DHRS2: variants seen among roughly 807,000 people sequenced by gnomAD.
DHRS2 encodes dehydrogenase/reductase SDR family member 2, mitochondrial.
Under a neutral mutation model 26.3 loss-of-function variants are expected in DHRS2, and 29 were observed. That is an observed-to-expected ratio of 1.10 (90% confidence interval 0.82 to 1.50). DHRS2 has a LOEUF of 1.50. Among genes scored for constraint, DHRS2 ranks in the 40% most tolerant of loss-of-function variants. The pLI is 0.00. For synonymous variants in DHRS2, 164 were observed against 151.3 expected (o/e 1.08, Z -0.62); for missense variants, 439 against 367.1 (o/e 1.20, Z -1.60).
In DHRS2 at chr14:23,639,366, C is replaced by T; in HGVS notation, c.318+10C>T. The T allele has an allele frequency of 1.3e-6, 2 of 1,557,660 alleles. No individual in the cohort carries two copies. Among genetic ancestry groups the T allele is most frequent in the Non-Finnish European group, 8.7e-7 (1 of 1,154,204 alleles). On this transcript the variant is annotated intron_variant, in intron 3 of 8. Transcript: ENST00000250383. The stretch of plus-strand genomic sequence containing the variant: ...GCAGCTGGTGGCCAAGGTGAGGGGG[C>T]AGGCGGTGGAAGGACACAGAGAGGG...
chr14:23,635,830 A>G (rs897773829), upstream of DHRS2, among the ~76,000 whole-genome samples: 1 of 152,198 alleles, frequency 6.6e-6, no homozygotes, highest in Non-Finnish European at 1.5e-5. Context: ...CCCACACTGT[A>G]CAGGGCACTC....
In DHRS2 at chr14:23,644,473, A is replaced by T. The variant is rs550157001; in HGVS notation, c.605A>T (p.Glu202Val). 1.2e-6 allele frequency: 2 copies of T among 1,614,056 alleles called. No individual in the cohort carries two copies. The highest frequency in any genetic ancestry group is 1.7e-6 in the Non-Finnish European group (2 of 1,180,028). ...GGTCTCACTAGAACACTGGCATTGG[A>T]GCTGGCCCCCAAGGACATCCGGGTA... is the stretch of plus-strand genomic sequence containing the variant. ...LLGLTRTLAL[E>V]LAPKDIRVNC... Residue 202 changes from glutamate (E) to valine (V), a missense_variant, in exon 7 of 9, where the codon GAG becomes GTG. Transcript: ENST00000250383.
chr14:23,635,943 G>T (rs975775652), upstream of DHRS2, among the ~76,000 whole-genome samples: 3 of 152,362 alleles, frequency 2.0e-5, no homozygotes, highest in African/African-American at 7.2e-5. Flanking sequence ...GTGCCGCAAA[G>T]TCCTGCAGTG....
At chr14:23,643,433 T>C (rs1890749460) in intron 5 of DHRS2, 2 of 556,948 alleles carry the variant, frequency 3.6e-6, no homozygotes, top group African/African-American at 1.9e-5. Context: ...GGCCCAGGCA[T>C]AGCCTCCTTG....
upstream of DHRS2, among the ~76,000 whole-genome samples, chr14:23,633,428 C>G (rs545185470): frequency 2.0e-5 from 3 of 152,302 alleles, no homozygotes; most frequent in South Asian, 2.1e-4. Context: ...CATCCCTGCT[C>G]TCTCCCAAAC....
upstream of DHRS2, chr14:23,636,353 G>A (rs1173405553): frequency 6.6e-6 from 1 of 152,122 alleles, no homozygotes; most frequent in Non-Finnish European, 1.5e-5. Flanking sequence ...CAGGCTGCCT[G>A]AGCCGGCAGC....
At position 23,645,490 on chromosome 14, in the gene DHRS2, G is replaced by T; in HGVS notation, c.*237G>T. On this transcript the variant is annotated 3_prime_UTR_variant, in exon 9 of 9. Coordinates refer to ENST00000250383, the MANE Select transcript of DHRS2 (RefSeq NM_005794.4). ...GTGGGGTTCTTGGTGTGGGTCTGGGGAGCTGAAGGATTTTATGGAGCTGGT... is the reference window on the plus strand; with the variant it reads ...GTGGGGTTCTTGGTGTGGGTCTGGGTAGCTGAAGGATTTTATGGAGCTGGT... The T allele has an allele frequency of 1.4e-6, 1 of 733,298 alleles. No individual in the cohort carries two copies. Among genetic ancestry groups the T allele is most frequent in the Non-Finnish European group, 2.1e-6 (1 of 472,860 alleles). The allele number at this position is 733,298 out of a possible 1,614,324, so 45.4% of individuals were successfully genotyped here. A position where few individuals can be genotyped will look rare whatever the true frequency, so the allele number is the denominator to read the frequency against.
intron 4 of DHRS2, chr14:23,641,385 G>T: frequency 3.9e-6 from 1 of 255,538 alleles, no homozygotes. Flanking sequence ...TCCAGCGTGC[G>T]CCCTCTTTCA....
upstream of DHRS2, among the ~76,000 whole-genome samples, chr14:23,634,382 A>G (rs1039675096): frequency 6.6e-6 from 1 of 151,884 alleles, no homozygotes; most frequent in African/African-American, 2.4e-5. Context: ...GCACCTTCTT[A>G]ATCATAACTG....
In DHRS2 at chr14:23,643,040, G is replaced by A; in HGVS notation, c.421-112G>A. 5.0e-6 allele frequency: 5 copies of A among 990,650 alleles called. No individual in the cohort carries two copies. The South Asian group carries it at 7.0e-5, about 14-fold the overall frequency. 61.4% of individuals were successfully genotyped at this position (990,650 alleles called of 1,614,324 possible). On this transcript the variant is annotated intron_variant, in intron 4 of 8. Transcript: ENST00000250383. ...GAAGGGGGATTGGTTTCTCTTATAT[G>A]CACATACATTGGGTCTACTGCACAA...
In DHRS2 at chr14:23,636,791, C is replaced by T. The variant is rs1311665879; in HGVS notation, c.-39+19C>T. On this transcript the variant is annotated intron_variant, in intron 1 of 8. Coordinates refer to ENST00000250383, the MANE Select transcript of DHRS2 (RefSeq NM_005794.4). The stretch of plus-strand genomic sequence containing the variant: ...CCAAGTGGTGAGTACCATCAGATCC[C>T]TTTCATTTGCTATTCTGTCCTATTT... The T allele has an allele frequency of 6.6e-6, 1 of 152,212 alleles. No individual in the cohort carries two copies. Among genetic ancestry groups the T allele is most frequent in the Non-Finnish European group, 1.5e-5 (1 of 68,046 alleles). The allele number at this position is 152,212 out of a possible 1,614,324, so 9.4% of individuals were successfully genotyped here. A position where few individuals can be genotyped will look rare whatever the true frequency, so the allele number is the denominator to read the frequency against.
intron 1 of DHRS2, chr14:23,638,626 A>C: frequency 2.0e-6 from 1 of 489,748 alleles, no homozygotes; most frequent in East Asian, 3.7e-5. Context: ...TTTGTGAATA[A>C]TTTCCCCAGT....
At chr14:23,637,309 A>G (rs1204119128) in intron 1 of DHRS2, among the ~76,000 whole-genome samples, 1 of 152,178 alleles carries the variant, frequency 6.6e-6, no homozygotes, top group East Asian at 1.9e-4. Context: ...TACCTTCTTT[A>G]GGCACCTGGG....
In DHRS2 at chr14:23,639,112, A is replaced by C. The variant is rs1890502552; in HGVS notation, c.141-67A>C. The C allele has an allele frequency of 4.4e-6, 7 of 1,595,010 alleles. No homozygotes were observed. In the South Asian group the frequency reaches 8.0e-5, roughly 18 times the overall value. ...CCCAGCCTTATTTGCTGATTTCCAG[A>C]GCTGGGTAGAGGAAGGACAGTGGAG... On this transcript the variant is annotated intron_variant, in intron 2 of 8. Transcript: ENST00000250383.
intron 1 of DHRS2, among the ~76,000 whole-genome samples, chr14:23,637,313 ACCTGGGCTCACCAATCAG>A (rs1237485667): frequency 6.6e-6 from 1 of 152,164 alleles, no homozygotes; most frequent in East Asian, 1.9e-4. Flanking sequence ...TTCTTTAGGC[ACCTGGGCTCACCAATCAG>A]AAAGACATAA....
chr14:23,637,358 A>C (rs755111164), intron 1 of DHRS2, among the ~76,000 whole-genome samples: 6 of 152,210 alleles, frequency 3.9e-5, no homozygotes, highest in Non-Finnish European at 8.8e-5. Flanking sequence ...CCCAAAGCCC[A>C]GTTGTAGGGG....
intron 5 of DHRS2, 111 bp from the exon 6 acceptor site, chr14:23,644,000 T>C (rs1240865130): frequency 7.3e-6 from 8 of 1,098,882 alleles, no homozygotes; most frequent in Non-Finnish European, 1.1e-5. Context: ...GGGACAGTAA[T>C]AGGACCTGTG....
At chr14:23,643,669 C>A (rs1890758112) in intron 5 of DHRS2, 2 of 276,884 alleles carry the variant, frequency 7.2e-6, no homozygotes, top group Admixed American at 4.6e-5. Flanking sequence ...TCTGACTGTA[C>A]CCCTCACAGA....
At chr14:23,644,980 T>C (rs1254128186) in intron 8 of DHRS2, 98 bp downstream of exon 8, 1 of 1,566,268 alleles carries the variant, frequency 6.4e-7, no homozygotes, top group East Asian at 2.2e-5. Context: ...CTGGCCATTG[T>C]TTTTGCTGAA....
Sources: allele counts gnomAD v4.1 joint callset (sites outside exome capture counted in the v4.1 genomes callset), GRCh38; gene constraint gnomAD v4.1.1; transcripts MANE v1.5; gene names NCBI Gene and HGNC (gene_info 2026-07-23, HGNC 2026-07-21).